The following FHIT variants were observed in gnomAD, a reference collection of about 807,000 sequenced individuals.
FHIT encodes bis(5'-adenosyl)-triphosphatase.
Under a neutral mutation model 17.9 loss-of-function variants are expected in FHIT, and 19 were observed. The observed-to-expected ratio is 1.06, with a 90% CI of 0.74 to 1.56. The LOEUF is 1.56. FHIT is among the 40% of genes most tolerant of loss of function. FHIT has a pLI of 0.00. For missense variants in FHIT, 248 were observed against 189.2 expected (o/e 1.31, Z -1.82); for synonymous variants, 81 against 69.7 (o/e 1.16, Z -0.81).
At chr3:60,611,617 T>G (rs187361051) in intron 4 of FHIT, among the ~76,000 whole-genome samples, 1 of 152,292 alleles carries the variant, frequency 6.6e-6, no homozygotes, top group Admixed American at 6.5e-5. Flanking sequence ...TATTTTGCCA[T>G]CTGTGATGAT....
chr3:60,210,120 C>G (rs1396659939), intron 5 of FHIT, among the ~76,000 whole-genome samples: 1 of 152,130 alleles, frequency 6.6e-6, no homozygotes, highest in African/African-American at 2.4e-5. Flanking sequence ...TTTCTTCACT[C>G]TTTCCAAAAA....
At chr3:60,197,148 CCAT>C (rs1376835420) in intron 5 of FHIT, among the ~76,000 whole-genome samples, 9 of 152,290 alleles carry the variant, frequency 5.9e-5, no homozygotes, top group African/African-American at 1.9e-4. Context: ...AAATATATAA[CCAT>C]CATGTCAGTC....
In FHIT at chr3:60,717,663, C is replaced by T. The variant is rs2041716775; in HGVS notation, c.-18+104256G>A. ...TATGTGAATCTTGGTTATAGTAGAA[C>T]TTTAAGTGTTCTAGAGCAGTTGTTC... is the stretch of plus-strand genomic sequence containing the variant. On this transcript the variant is annotated intron_variant, in intron 4 of 9. Transcript: ENST00000492590. 2.0e-5 allele frequency among the ~76,000 whole-genome samples: 3 copies of T among 152,146 alleles called. No individual in the cohort carries two copies. In the South Asian group the frequency reaches 6.2e-4, roughly 32 times the overall value.
At chr3:60,280,681 C>A (rs191462244) in intron 5 of FHIT, among the ~76,000 whole-genome samples, 16 of 152,174 alleles carry the variant, frequency 1.1e-4, no homozygotes, top group Admixed American at 9.2e-4. Context: ...AGATTTTAGA[C>A]TTCTGGCTTT....
At chr3:60,223,726 T>A (rs1421807969) in intron 5 of FHIT, among the ~76,000 whole-genome samples, 1 of 152,220 alleles carries the variant, frequency 6.6e-6, no homozygotes, top group Non-Finnish European at 1.5e-5. Context: ...ATACAGGTGC[T>A]AATTGCTTTC....
chr3:61,003,125 G>C (rs1444079190), intron 3 of FHIT, among the ~76,000 whole-genome samples: 1 of 152,108 alleles, frequency 6.6e-6, no homozygotes, highest in African/African-American at 2.4e-5. Context: ...AAGAATCTTA[G>C]GTTTTTATAT....
intron 8 of FHIT, among the ~76,000 whole-genome samples, chr3:59,879,739 G>A (rs1703320513): frequency 6.6e-6 from 1 of 152,180 alleles, no homozygotes; most frequent in South Asian, 2.1e-4. Context: ...GATAATCACA[G>A]CAATTGCTGG....
At chr3:59,891,440 G>T (rs775190259) in intron 8 of FHIT, among the ~76,000 whole-genome samples, 3 of 152,204 alleles carry the variant, frequency 2.0e-5, no homozygotes, top group Non-Finnish European at 4.4e-5. Flanking sequence ...AGGACAGATG[G>T]GTAAGCAACC....
intron 8 of FHIT, among the ~76,000 whole-genome samples, chr3:59,909,953 G>C (rs1337055548): frequency 6.6e-6 from 1 of 152,004 alleles, no homozygotes; most frequent in Admixed American, 6.6e-5. Flanking sequence ...TTAATTTCAA[G>C]GTACATGTGC....
At chr3:60,946,489 T>C (rs1708643677) in intron 3 of FHIT, among the ~76,000 whole-genome samples, 1 of 152,130 alleles carries the variant, frequency 6.6e-6, no homozygotes, top group African/African-American at 2.4e-5. Context: ...GCCTGGGGTA[T>C]GACTATGAGG....
At chr3:60,772,500 T>C (rs1700079349) in intron 4 of FHIT, among the ~76,000 whole-genome samples, 1 of 152,156 alleles carries the variant, frequency 6.6e-6, no homozygotes, top group Non-Finnish European at 1.5e-5. Context: ...GAGAAAATTA[T>C]GACAGTCGGG....
At chr3:61,078,358 G>T (rs1216718136) in intron 2 of FHIT, among the ~76,000 whole-genome samples, 2 of 152,082 alleles carry the variant, frequency 1.3e-5, no homozygotes, top group Non-Finnish European at 2.9e-5. Context: ...CAGGGTATTA[G>T]TCGTTCCTAC....
intron 1 of FHIT, among the ~76,000 whole-genome samples, chr3:61,217,004 G>C (rs1382407891): frequency 6.7e-6 from 1 of 148,280 alleles, no homozygotes; most frequent in Non-Finnish European, 1.5e-5. Flanking sequence ...TGGGGTAGGG[G>C]GAGGGGGGAG....
intron 5 of FHIT, among the ~76,000 whole-genome samples, chr3:60,019,635 C>G (rs989329770): frequency 3.9e-5 from 6 of 152,086 alleles, no homozygotes; most frequent in Non-Finnish European, 5.9e-5. Flanking sequence ...TCAGGCTGGT[C>G]GTAAACTCCC....
chr3:59,920,448 G>C (rs1020690412), intron 8 of FHIT, among the ~76,000 whole-genome samples: 3 of 152,190 alleles, frequency 2.0e-5, no homozygotes, highest in Non-Finnish European at 2.9e-5. Flanking sequence ...GGGGCCATCA[G>C]AGCATGCAGA....
chr3:61,153,968 T>C (rs1425295416), intron 2 of FHIT, among the ~76,000 whole-genome samples: 2 of 152,238 alleles, frequency 1.3e-5, no homozygotes, highest in Non-Finnish European at 2.9e-5. Context: ...TTTGCAACTA[T>C]GTATATCTCC....
Position 60,326,793 on chromosome 3 carries a change from G to A in FHIT, c.103+210067C>T, listed in dbSNP as rs145606896. On this transcript the variant is annotated intron_variant, in intron 5 of 9. Transcript: ENST00000492590. ...GAAGCTGGAGTAAAACCTTTCCTGT[G>A]CTGTGACCCACATCTCCCCATTGCT... Among the ~76,000 whole-genome samples, 761 of 152,316 alleles carry A rather than the reference G, an allele frequency of 5.0e-3. 7 individuals carry two copies. The highest frequency in any genetic ancestry group is 0.017 in the African/African-American group (721 of 41,570).
intron 4 of FHIT, among the ~76,000 whole-genome samples, chr3:60,604,853 G>A (rs531935763): frequency 6.6e-6 from 1 of 152,094 alleles, no homozygotes; most frequent in South Asian, 2.1e-4. Flanking sequence ...CAACCCTATA[G>A]ATTCCATTCT....
At chr3:61,128,621 CA>C (rs1270991468) in intron 2 of FHIT, among the ~76,000 whole-genome samples, 1 of 152,096 alleles carries the variant, frequency 6.6e-6, no homozygotes, top group East Asian at 1.9e-4. Context: ...GATTATCCCC[CA>C]AAAGCAGCAG....
Sources: allele counts gnomAD v4.1 joint callset (sites outside exome capture counted in the v4.1 genomes callset), GRCh38; gene constraint gnomAD v4.1.1; transcripts MANE v1.5; gene names NCBI Gene and HGNC (gene_info 2026-07-23, HGNC 2026-07-21).